Variants in ROS1 observed in about 807,000 individuals in gnomAD.
ROS1 encodes ROS proto-oncogene 1, receptor tyrosine kinase, also known as proto-oncogene tyrosine-protein kinase ROS.
A neutral mutation model predicts 273.5 loss-of-function variants in ROS1; 263 were observed. The ratio of observed to expected loss-of-function variants is 0.96; its 90% CI spans 0.87 to 1.06. The LOEUF (loss-of-function observed/expected upper bound fraction) is 1.06, where lower values mean the gene tolerates loss of function less well. ROS1 is among the 50% of genes least tolerant of loss of function. The pLI, the probability that ROS1 is intolerant of heterozygous loss-of-function variation, is 0.00. For synonymous variants in ROS1, 1,008 were observed against 954.1 expected, an observed-to-expected ratio of 1.06 and a Z score of -1.04; for missense variants, 2,833 against 2,751.1, an observed-to-expected ratio of 1.03 and a Z score of -0.67.
chr6:117,318,607 G>A (rs1160031629), intron 37 of ROS1, among the ~76,000 whole-genome samples: 2 of 152,000 alleles, frequency 1.3e-5, no homozygotes, highest in Non-Finnish European at 2.9e-5. Context: ...TGGAGGCCAG[G>A]TTCCCAGTCC....
At chr6:117,349,913 T>A (rs1778679560) in intron 27 of ROS1, among the ~76,000 whole-genome samples, 1 of 152,026 alleles carries the variant, frequency 6.6e-6, no homozygotes, top group African/African-American at 2.4e-5. Context: ...GTGATTCATT[T>A]TGCTTAATAT....
At chr6:117,400,152 C>T (rs1360567986) in intron 7 of ROS1, among the ~76,000 whole-genome samples, 1 of 152,202 alleles carries the variant, frequency 6.6e-6, no homozygotes, top group African/African-American at 2.4e-5. Flanking sequence ...TGACCCTGGT[C>T]ACATAGACAC....
rs73566855 is a variant in ROS1 at position 117,372,302 on chromosome 6, A to C, written c.2583-6012T>G. Reference sequence around the variant, plus strand: ...CATCCAAATCAGTAAAGAGGAAGTCATACTATCACTGTTTGCTGATAACAT... The same window carrying C: ...CATCCAAATCAGTAAAGAGGAAGTCCTACTATCACTGTTTGCTGATAACAT... On this transcript the variant is annotated intron_variant, in intron 18 of 43. Transcript: ENST00000368507. Among the ~76,000 whole-genome samples, 484 of 152,364 alleles carry C rather than the reference A, an allele frequency of 3.2e-3. 2 individuals carry two copies. The highest frequency in any genetic ancestry group is 0.01 in the African/African-American group (433 of 41,590).
chr6:117,303,412 C>A (rs1362580778), intron 42 of ROS1, among the ~76,000 whole-genome samples: 1 of 152,166 alleles, frequency 6.6e-6, no homozygotes, highest in Admixed American at 6.5e-5. Context: ...AGCCAAAGAA[C>A]TTTGTAAGAA....
intron 14 of ROS1, 120 bp downstream of exon 14, chr6:117,387,660 T>G (rs1772693297): frequency 2.1e-6 from 2 of 962,448 alleles, no homozygotes; most frequent in Admixed American, 2.4e-5. Context: ...AAACACATAC[T>G]CAAGAGGTCA....
intron 25 of ROS1, 85 bp from the exon 26 acceptor site, chr6:117,357,000 C>T: frequency 1.7e-6 from 2 of 1,167,208 alleles, no homozygotes; most frequent in East Asian, 2.4e-5. Flanking sequence ...GCAACTATTG[C>T]TAATGACTGT....
At chr6:117,414,582 A>G in intron 3 of ROS1, 37 bp from the exon 4 acceptor site, 1 of 724,592 alleles carries the variant, frequency 1.4e-6, no homozygotes, top group Non-Finnish European at 2.5e-6. Context: ...TAAAATCTTG[A>G]AAGTTGTAAA....
At chr6:117,367,157 T>C (rs1248433138) in intron 18 of ROS1, among the ~76,000 whole-genome samples, 3 of 151,992 alleles carry the variant, frequency 2.0e-5, no homozygotes, top group South Asian at 2.1e-4. Context: ...AATTAGCCTA[T>C]AGATGTGAAG....
In ROS1 at chr6:117,310,120, C is replaced by G. The variant is rs773896715; in HGVS notation, c.6377G>C (p.Ser2126Thr). The part of the protein sequence containing the change: ...LLPVRWMAPE[S>T]LMDGIFTTQS... Reference sequence around the variant, plus strand: ...AGTAGTGAAGATTCCATCCATCAAACTTTCTGGAGCCATCCACCGAACTGG... The same window carrying G: ...AGTAGTGAAGATTCCATCCATCAAAGTTTCTGGAGCCATCCACCGAACTGG... Residue 2126 changes from serine to threonine, a missense_variant, in exon 41 of 44, where the codon AGT (serine) becomes ACT (threonine). By Grantham distance (58) the Ser-to-Thr change is moderately conservative. Transcript: ENST00000368507. 3 of 1,613,472 alleles carry G rather than the reference C, an allele frequency of 1.9e-6. No homozygotes were observed. Among genetic ancestry groups the G allele is most frequent in the Non-Finnish European group, 2.5e-6 (3 of 1,179,620 alleles).
At chr6:117,398,703 G>C (rs1210191812) in intron 7 of ROS1, among the ~76,000 whole-genome samples, 1 of 139,688 alleles carries the variant, frequency 7.2e-6, no homozygotes, top group South Asian at 2.3e-4. Context: ...AAAAACTCGC[G>C]GTGACTCATG....
intron 2 of ROS1, among the ~76,000 whole-genome samples, chr6:117,417,685 C>G (rs918420734): frequency 2.1e-4 from 32 of 152,144 alleles, no homozygotes; most frequent in African/African-American, 6.8e-4. Flanking sequence ...ATACATGTAC[C>G]CCAATTTCCA....
At chr6:117,315,888 G>C (rs2128554275) in intron 39 of ROS1, among the ~76,000 whole-genome samples, 1 of 152,220 alleles carries the variant, frequency 6.6e-6, no homozygotes, top group South Asian at 2.1e-4. Flanking sequence ...GTCTGATACT[G>C]TTAGCCATAT....
chr6:117,336,014 A>G (rs966632533), intron 32 of ROS1, among the ~76,000 whole-genome samples: 1 of 152,210 alleles, frequency 6.6e-6, no homozygotes, highest in Admixed American at 6.5e-5. Context: ...ACATATTTTT[A>G]AATGAGCATT....
intron 16 of ROS1, among the ~76,000 whole-genome samples, chr6:117,384,754 A>G (rs1772425825): frequency 6.6e-6 from 1 of 152,106 alleles, no homozygotes; most frequent in Non-Finnish European, 1.5e-5. Context: ...TATGGACTTT[A>G]TCTGCTAGGC....
intron 24 of ROS1, 83 bp downstream of exon 24, chr6:117,359,726 T>C: frequency 9.0e-7 from 1 of 1,111,806 alleles, no homozygotes; most frequent in East Asian, 2.4e-5. Flanking sequence ...ACTAAACCGT[T>C]TTCCAGTCAT....
intron 42 of ROS1, among the ~76,000 whole-genome samples, chr6:117,302,938 C>T (rs530013271): frequency 5.9e-5 from 9 of 152,164 alleles, no homozygotes; most frequent in South Asian, 2.1e-4. Context: ...TTCACCCTCC[C>T]GCCTCTATCA....
chr6:117,310,575 A>G (rs1775464161), intron 40 of ROS1, among the ~76,000 whole-genome samples: 1 of 151,768 alleles, frequency 6.6e-6, no homozygotes, highest in Admixed American at 6.6e-5. Context: ...CTGGTGTATG[A>G]TGTTCCCCTC....
rs1028820643 is a variant in ROS1, at chr6:117,398,923, A to G, written c.605-1807T>C. ...AGGAGGTGGAGGTTGCAGTGAGCTG[A>G]GATCGTGCTACTGTACTCCAGCCTG... On this transcript the variant is annotated intron_variant, in intron 7 of 43. Transcript: ENST00000368507. Among the ~76,000 whole-genome samples the G allele has an allele frequency of 4.6e-5, 7 of 151,432 alleles. No homozygotes were observed. In the South Asian group the frequency reaches 6.3e-4, roughly 14 times the overall value.
intron 30 of ROS1, 31 bp downstream of exon 30, chr6:117,341,369 C>A (rs2128622222): frequency 6.2e-7 from 1 of 1,611,886 alleles, no homozygotes; most frequent in Non-Finnish European, 8.5e-7. Flanking sequence ...TTGAGAATGA[C>A]AATAAAGAGT....
Sources: gnomAD v4.1 joint callset for allele counts (sites outside exome capture counted in the v4.1 genomes callset) on GRCh38, gnomAD v4.1.1 for gene constraint, MANE v1.5 for transcripts, NCBI Gene and HGNC (gene_info 2026-07-23, HGNC 2026-07-21) for gene names.